Variants in SULT1A2 observed in about 807,000 individuals in gnomAD.
The protein encoded by SULT1A2 is sulfotransferase 1A2.
SULT1A2 carries 33 observed loss-of-function variants against 36.0 expected under a neutral mutation model. The ratio of observed to expected loss-of-function variants is 0.92; its 90% CI spans 0.69 to 1.22. The LOEUF is 1.22. Among genes scored for constraint, SULT1A2 ranks in the 50% most tolerant of loss-of-function variants. The pLI, the probability that SULT1A2 is intolerant of heterozygous loss-of-function variation, is 0.00. For missense variants in SULT1A2, 367 were observed against 383.2 expected (o/e 0.96, Z 0.35); for synonymous variants, 138 against 144.5 (o/e 0.96, Z 0.32).
chr16:28,595,534 C>A lies in SULT1A2; in HGVS notation c.274+16G>T. On this transcript the variant is annotated intron_variant, in intron 3 of 7. Coordinates refer to ENST00000335715, the MANE Select transcript of SULT1A2 (RefSeq NM_001054.4). ...CCTGTCTTCCTCCACTCCCCTTGCA[C>A]CCAGGACACACACACCTGAGGGAAT... is the stretch of plus-strand genomic sequence containing the variant. 3 of 1,614,166 alleles carry A rather than the reference C, an allele frequency of 1.9e-6. No homozygotes were observed. The highest frequency in any genetic ancestry group is 2.5e-6 in the Non-Finnish European group (3 of 1,180,030).
intron 1 of SULT1A2, 62 bp from the exon 2 acceptor site, chr16:28,595,996 A>G (rs1023612896): frequency 5.5e-5 from 87 of 1,586,004 alleles, no homozygotes; most frequent in African/African-American, 1.3e-4. Flanking sequence ...AAGAAAGTGG[A>G]ATTCTTGCTT....
chr16:28,594,975 G>T (rs1247752311), intron 4 of SULT1A2, among the ~76,000 whole-genome samples: 3 of 151,526 alleles, frequency 2.0e-5, no homozygotes, highest in Non-Finnish European at 4.4e-5. Flanking sequence ...TAGAGATGGG[G>T]TTTTGCCATG....
Position 28,595,833 on chromosome 16 carries a change from C to T in SULT1A2, c.98G>A (p.Ser33Asn), listed in dbSNP as rs772856059. The T allele has an allele frequency of 6.2e-6, 10 of 1,611,924 alleles. No homozygotes were observed. In the South Asian group the frequency reaches 8.8e-5, roughly 14 times the overall value. The change falls in exon 2 of 8, where the codon AGC (serine) becomes AAC (asparagine). Residue 33 changes from serine (S) to asparagine (N), a missense_variant. By Grantham distance (46) the Ser-to-Asn change is conservative. Coordinates refer to ENST00000335715, the MANE Select transcript of SULT1A2 (RefSeq NM_001054.4). The part of the protein sequence containing the change: ...YFAEALGPLQ[S>N]FQARPDDLLI... Reference sequence around the variant, plus strand: ...CAGGTCATCAGGCCGGGCCTGGAAGCTCTGCAGGGGCCCCAGTGCCTCTGC... The same window carrying T: ...CAGGTCATCAGGCCGGGCCTGGAAGTTCTGCAGGGGCCCCAGTGCCTCTGC...
chr16:28,596,919 G>A (rs1305158991), intron 1 of SULT1A2, 78 bp downstream of exon 1: 1 of 1,025,734 alleles, frequency 9.7e-7, no homozygotes, highest in Non-Finnish European at 1.3e-6. Context: ...GGATAGCAGA[G>A]GCCTCGGCTT....
chr16:28,596,438 A>T, intron 1 of SULT1A2: 1 of 855,462 alleles, frequency 1.2e-6, no homozygotes, highest in Non-Finnish European at 1.5e-6. Flanking sequence ...CAGGCCTGTG[A>T]TCCACTTGCC....
rs1441312223 is a variant in SULT1A2, at chr16:28,595,829, G to A, written c.102C>T (p.Phe34=). 6.2e-7 allele frequency: 1 copy of A among 1,612,160 alleles called. No homozygotes were observed. The highest frequency in any genetic ancestry group is 1.7e-5 in the Admixed American group (1 of 60,002). The change falls in exon 2 of 8, where the codon TTC becomes TTT. Residue 34 remains phenylalanine, a synonymous_variant. Coordinates refer to ENST00000335715, the MANE Select transcript of SULT1A2 (RefSeq NM_001054.4). The part of the protein sequence containing the change: ...FAEALGPLQS[F]QARPDDLLIS... ...TGAGCAGGTCATCAGGCCGGGCCTG[G>A]AAGCTCTGCAGGGGCCCCAGTGCCT... is the stretch of plus-strand genomic sequence containing the variant.
rs754564615 is a variant in SULT1A2 at position 28,595,666 on chromosome 16, CA to C, written c.157del (p.Trp53GlyfsTer2). On this transcript the variant is annotated frameshift_variant, in exon 3 of 8. Transcript: ENST00000335715. LOFTEE classifies it high-confidence loss of function. ...ISTYPKSGTT[W>X]VSQILDMIYQ... ...GATCATGTCCAGAATCTGGCTCACC[CA>C]GGTGGTGCCTGGAGAGGGAGGGAGA... 6.2e-7 allele frequency: 1 copy of C among 1,614,146 alleles called. No homozygotes were observed. The highest frequency in any genetic ancestry group is 2.2e-5 in the East Asian group (1 of 44,880).
intron 1 of SULT1A2, 72 bp downstream of exon 1, chr16:28,596,925 G>A (rs555821292): frequency 3.2e-5 from 35 of 1,087,706 alleles, no homozygotes; most frequent in Middle Eastern, 4.0e-4. Flanking sequence ...CAGAGGCCTC[G>A]GCTTCTGGAA....
At position 28,593,308 on chromosome 16, in the gene SULT1A2, A is replaced by G; in HGVS notation, c.538T>C (p.Trp180Arg). The G allele has an allele frequency of 6.2e-7, 1 of 1,614,080 alleles. No homozygotes were observed. The highest frequency in any genetic ancestry group is 1.1e-5 in the South Asian group (1 of 91,086). Reference protein sequence around the residue: ...GSWYQHVQEWWELSRTHPVLY... With the variant: ...GSWYQHVQEWRELSRTHPVLY... ...ACAGGGTGGGTGCGGCTCAGCTCCC[A>G]CCACTCTTGCACGTGCTGGTACCAG... Residue 180 changes from tryptophan (W) to arginine (R), a missense_variant, in exon 6 of 8, where the codon TGG becomes CGG. By Grantham distance (101) the Trp-to-Arg change is moderately radical. Transcript: ENST00000335715.
rs756772711 is a variant in SULT1A2 at position 28,595,692 on chromosome 16, A to G, written c.149-17T>C. The G allele has an allele frequency of 2.7e-5, 44 of 1,613,638 alleles. No individual in the cohort carries two copies. The highest frequency in any genetic ancestry group is 3.6e-5 in the Non-Finnish European group (43 of 1,179,772). On this transcript the variant is annotated splice_polypyrimidine_tract_variant and intron_variant, in intron 2 of 7. Transcript: ENST00000335715. ...AGGTGGTGCCTGGAGAGGGAGGGAG[A>G]TGGGAGGTGAGCAGGCTGAGGTGAG...
chr16:28,596,427 C>T, intron 1 of SULT1A2: 1 of 924,712 alleles, frequency 1.1e-6, no homozygotes, highest in Non-Finnish European at 1.4e-6. Context: ...CCTAGGCTGG[C>T]CAGGCCTGTG....
chr16:28,593,169 G>A (rs955961223), intron 6 of SULT1A2, 83 bp downstream of exon 6: 1 of 1,589,082 alleles, frequency 6.3e-7, no homozygotes. Flanking sequence ...GCCCAGGGAG[G>A]GTGGCTGGGT....
chr16:28,596,889 T>A, intron 1 of SULT1A2, 108 bp downstream of exon 1: 1 of 747,276 alleles, frequency 1.3e-6, no homozygotes, highest in Non-Finnish European at 1.8e-6. Flanking sequence ...TGAAATGGGA[T>A]ATCCATGGGG....
rs1386495900 is a variant in SULT1A2 at position 28,594,106 on chromosome 16, T to TG, written c.373-539_373-538insC. Among the ~76,000 whole-genome samples the TG allele has an allele frequency of 1.1e-3, 147 of 131,986 alleles. 1 individual carries two copies. Among genetic ancestry groups the TG allele is most frequent in the African/African-American group, 2.4e-3 (91 of 38,706 alleles). The allele number at this position is 131,986 out of a possible 152,430, so 86.6% of individuals were successfully genotyped here. A position where few individuals can be genotyped will look rare whatever the true frequency, so the allele number is the denominator to read the frequency against. The stretch of plus-strand genomic sequence containing the variant: ...TTTTTGTTGTGGTTTTTTTTTTTTT[T>TG]TGGGGGGGGGGACTCTAGGTCTCAA... On this transcript the variant is annotated intron_variant, in intron 4 of 7. Transcript: ENST00000335715.
In SULT1A2 at chr16:28,593,249, C is replaced by T; in HGVS notation, c.594+3G>A. ...TGGAGGGAAGCATCAAAGGCGGTCT[C>T]ACCTCCTTCATGTCTTCATAGAAGA... On this transcript the variant is annotated splice_donor_region_variant and intron_variant, in intron 6 of 7. Coordinates refer to ENST00000335715, the MANE Select transcript of SULT1A2 (RefSeq NM_001054.4). The T allele has an allele frequency of 6.2e-7, 1 of 1,613,304 alleles. No homozygotes were observed. Among genetic ancestry groups the T allele is most frequent in the Non-Finnish European group, 8.5e-7 (1 of 1,180,002 alleles).
intron 6 of SULT1A2, 47 bp downstream of exon 6, chr16:28,593,205 C>T: frequency 6.8e-6 from 11 of 1,610,714 alleles, no homozygotes; most frequent in Non-Finnish European, 7.6e-6. Context: ...CTGTGAAGTG[C>T]CTGCCCCCAG....
chr16:28,592,488 C>T, intron 6 of SULT1A2, 45 bp from the exon 7 acceptor site: 35 of 1,613,908 alleles, frequency 2.2e-5, no homozygotes, highest in Non-Finnish European at 3.0e-5. Flanking sequence ...ATTGCTGATT[C>T]AGGAAAATAA....
rs776177138 is a variant in SULT1A2, at chr16:28,595,362, C to T, written c.372+5G>A. 1 of 1,614,010 alleles carries T rather than the reference C, an allele frequency of 6.2e-7. No individual in the cohort carries two copies. Among genetic ancestry groups the T allele is most frequent in the South Asian group, 1.1e-5 (1 of 91,080 alleles). ...GCGGGTGTGAACCACTGTGCCCAGT[C>T]TCACCTTGACCTTCTGATCCAACAG... On this transcript the variant is annotated splice_donor_5th_base_variant and intron_variant, in intron 4 of 7. Transcript: ENST00000335715.
rs2047045702 is a variant in SULT1A2, at chr16:28,595,378, G to C, written c.361C>G (p.Gln121Glu). Reference sequence around the variant, plus strand: ...GTGCCCAGTCTCACCTTGACCTTCTGATCCAACAGAGTCTGGGGGAGCAGA... The same window carrying C: ...GTGCCCAGTCTCACCTTGACCTTCTCATCCAACAGAGTCTGGGGGAGCAGA... ...LALLPQTLLDQKVKVVYVARN... is the reference protein window; with the variant it reads ...LALLPQTLLDEKVKVVYVARN... Residue 121 changes from glutamine to glutamate, a missense_variant, in exon 4 of 8, where the codon CAG becomes GAG. Gln to Glu is a conservative substitution (Grantham distance 29, BLOSUM62 2). Coordinates refer to ENST00000335715, the MANE Select transcript of SULT1A2 (RefSeq NM_001054.4). 1 of 1,613,906 alleles carries C rather than the reference G, an allele frequency of 6.2e-7. No homozygotes were observed. Among genetic ancestry groups the C allele is most frequent in the Admixed American group, 1.7e-5 (1 of 59,990 alleles).
Sources: gnomAD v4.1 joint callset for allele counts (sites outside exome capture counted in the v4.1 genomes callset) on GRCh38, gnomAD v4.1.1 for gene constraint, MANE v1.5 for transcripts, NCBI Gene and HGNC (gene_info 2026-07-23, HGNC 2026-07-21) for gene names.